Variants in SNRPN observed in about 807,000 individuals in gnomAD.
The protein encoded by SNRPN is small nuclear ribonucleoprotein-associated protein N.
A neutral mutation model predicts 25.2 loss-of-function variants in SNRPN; 7 were observed. That is an observed-to-expected ratio of 0.28 (90% CI 0.16 to 0.52). SNRPN has a LOEUF of 0.52. Ranked by LOEUF, SNRPN falls within the 20% of genes least tolerant of loss-of-function variation. SNRPN has a pLI of 0.96. For synonymous variants in SNRPN, 124 were observed against 110.6 expected, an observed-to-expected ratio of 1.12 and a Z score of -0.76; for missense variants, 196 against 322.5, an observed-to-expected ratio of 0.61 and a Z score of 3.00.
chr15:24,881,526 C>CGAGAGAGAGA (rs758798894), intron 1 of SNRPN, among the ~76,000 whole-genome samples: 20 of 72,532 alleles, frequency 2.8e-4, no homozygotes, highest in Non-Finnish European at 4.9e-4. Flanking sequence ...AGCGAAACTC[C>CGAGAGAGAGA]GAGAGAGAGA....
At chr15:24,851,365 T>G (rs141153540) in intron 2 of SNRPN, 26 of 152,262 alleles carry the variant, frequency 1.7e-4, no homozygotes, top group African/African-American at 5.5e-4. Context: ...GCATCAGACC[T>G]GAAATGGAAT....
Position 24,901,028 on chromosome 15 carries a change from T to C in SNRPN, c.-505+14439T>C, listed in dbSNP as rs138549458. Among the ~76,000 whole-genome samples the C allele has an allele frequency of 3.7e-4, 57 of 152,222 alleles. 1 individual carries two copies. Among genetic ancestry groups the C allele is most frequent in the African/African-American group, 1.3e-3 (53 of 41,540 alleles). The stretch of plus-strand genomic sequence containing the variant: ...AGAGGATCACTTGAGCCCTGGAGGT[T>C]GAGGGTGCAGTGAGCTGTGATCATG... On this transcript the variant is annotated intron_variant, in intron 2 of 11. Transcript: ENST00000400097.
upstream of SNRPN, among the ~76,000 whole-genome samples, chr15:24,856,228 C>T (rs997164932): frequency 2.6e-5 from 4 of 152,088 alleles, no homozygotes; most frequent in African/African-American, 7.2e-5. Context: ...TCTCAGTTGT[C>T]CCTTGAATAA....
intron 3 of SNRPN, among the ~76,000 whole-genome samples, chr15:24,945,135 G>A (rs1274733334): frequency 6.6e-6 from 1 of 152,044 alleles, no homozygotes; most frequent in Non-Finnish European, 1.5e-5. Context: ...GTTTAGCTTT[G>A]TGGGTCATAT....
chr15:24,860,286 ATTAACT>A (rs1288662990), intron 1 of SNRPN, among the ~76,000 whole-genome samples: 1 of 152,094 alleles, frequency 6.6e-6, no homozygotes, highest in Non-Finnish European at 1.5e-5. Flanking sequence ...ATCTGACACC[ATTAACT>A]TTAATTTTCT....
At chr15:24,972,280 C>T (rs2076512883) in intron 3 of SNRPN, among the ~76,000 whole-genome samples, 1 of 150,168 alleles carries the variant, frequency 6.7e-6, no homozygotes, top group Admixed American at 6.7e-5. Context: ...AAGGATATTG[C>T]TAATGAGTCT....
At chr15:24,933,421 GGA>G (rs1317582253) in intron 3 of SNRPN, among the ~76,000 whole-genome samples, 2 of 152,194 alleles carry the variant, frequency 1.3e-5, no homozygotes, top group East Asian at 3.9e-4. Flanking sequence ...GGAGCCTAGA[GGA>G]GAGAGGCTGG....
At position 24,974,316 on chromosome 15, in the gene SNRPN, A is replaced by G. The variant is rs2076817403; in HGVS notation, c.-138A>G. On this transcript the variant is annotated 5_prime_UTR_variant, in exon 4 of 10. Coordinates refer to ENST00000390687, the MANE Select transcript of SNRPN (RefSeq NM_003097.6). ...TAACATGCTTTCCTCTGCAGGCTCCATCTACTCTTTGAAGCTTCTGCCCAG... is the reference window on the plus strand; with the variant it reads ...TAACATGCTTTCCTCTGCAGGCTCCGTCTACTCTTTGAAGCTTCTGCCCAG... 2 of 782,634 alleles carry G rather than the reference A, an allele frequency of 2.6e-6. No individual in the cohort carries two copies. The highest frequency in any genetic ancestry group is 3.7e-5 in the Admixed American group (2 of 54,544). The allele number at this position is 782,634 out of a possible 1,614,324, so 48.5% of individuals were successfully genotyped here.
chr15:24,848,230 G>GCGGGGGCGGGGGCGGCGGC (rs1177167977), intron 2 of SNRPN: 1 of 126,738 alleles, frequency 7.9e-6, no homozygotes, highest in Non-Finnish European at 1.7e-5. Context: ...GGGGGCGGCG[G>GCGGGGGCGGGGGCGGCGGC]TGGGGGCGGG....
At chr15:24,932,273 T>G (rs916946195) in intron 3 of SNRPN, among the ~76,000 whole-genome samples, 10 of 152,196 alleles carry the variant, frequency 6.6e-5, no homozygotes, top group African/African-American at 2.2e-4. Context: ...TTGCTCTTGT[T>G]GCCCAGGCTG....
chr15:24,842,066 C>G (rs566336403), intron 2 of SNRPN, among the ~76,000 whole-genome samples: 1 of 152,318 alleles, frequency 6.6e-6, no homozygotes, highest in African/African-American at 2.4e-5. Flanking sequence ...CATCCAGGTA[C>G]ATGTCCAGCC....
rs146270454 is a variant in SNRPN at position 24,899,927 on chromosome 15, G to T, written c.-505+13338G>T. 6.4e-3 allele frequency among the ~76,000 whole-genome samples: 974 copies of T among 152,344 alleles called. 1 individual carries two copies. The highest frequency in any genetic ancestry group is 0.011 in the Non-Finnish European group (757 of 68,044). On this transcript the variant is annotated intron_variant, in intron 2 of 11. Coordinates refer to the SNRPN transcript ENST00000400097. ...CATTGTTCCAAGAGATATTTCCACA[G>T]AGATGAATCTGGGAGGTTGTGTTGG...
intron 2 of SNRPN, chr15:24,850,659 TCTTC>T (rs2052736703): frequency 1.3e-5 from 2 of 152,126 alleles, no homozygotes; most frequent in African/African-American, 2.4e-5. Flanking sequence ...AACAAGAACA[TCTTC>T]CTTCATCAAG....
intron 1 of SNRPN, among the ~76,000 whole-genome samples, chr15:24,827,995 A>G (rs1001893331): frequency 1.2e-4 from 19 of 152,144 alleles, no homozygotes; most frequent in Admixed American, 4.6e-4. Flanking sequence ...GTTGTTGACC[A>G]AAACGGCCCT....
rs543675351 is a variant in SNRPN at position 24,966,277 on chromosome 15, C to T, written c.-294-1655C>T. 8.2e-5 allele frequency among the ~76,000 whole-genome samples: 12 copies of T among 147,208 alleles called. No homozygotes were observed. In the South Asian group the frequency reaches 2.5e-3, roughly 31 times the overall value. On this transcript the variant is annotated intron_variant, in intron 2 of 9. Transcript: ENST00000390687. The stretch of plus-strand genomic sequence containing the variant: ...TAGTAGATCTCAAGAAAGTGCTATA[C>T]TTACTAGTTTTTTTTATAAAGGATA...
intron 2 of SNRPN, among the ~76,000 whole-genome samples, chr15:24,831,478 C>T (rs55853389): frequency 0.29 from 44,621 of 151,688 alleles, 6,746 homozygotes; most frequent in Middle Eastern, 0.37. Context: ...AGTTATTTTT[C>T]GTGGCAAGAA....
rs1047691828 is a variant in SNRPN, at chr15:24,832,093, T to C, written c.-579+2188T>C. 7.2e-5 allele frequency among the ~76,000 whole-genome samples: 11 copies of C among 152,024 alleles called. No homozygotes were observed. The East Asian group carries it at 1.9e-3, about 27-fold the overall frequency. ...CCTTCACAATTTTTCCCATAATTAC[T>C]ATATTGTACTAATTTACATTCCCAC... On this transcript the variant is annotated intron_variant, in intron 2 of 12. Coordinates refer to the SNRPN transcript ENST00000400100.
chr15:24,854,737 G>T (rs1184130037), upstream of SNRPN, among the ~76,000 whole-genome samples: 2 of 152,286 alleles, frequency 1.3e-5, no homozygotes, highest in African/African-American at 4.8e-5. Flanking sequence ...CAGGAGCTGT[G>T]GCTCACACCT....
intron 3 of SNRPN, among the ~76,000 whole-genome samples, chr15:24,972,255 CAAAA>C (rs5811371): frequency 9.2e-6 from 1 of 108,254 alleles, no homozygotes. Context: ...GACTCTGTCT[CAAAA>C]AAAAAAAAAA....
Sources: allele counts gnomAD v4.1 joint callset (sites outside exome capture counted in the v4.1 genomes callset), GRCh38; gene constraint gnomAD v4.1.1; transcripts MANE v1.5; gene names NCBI Gene and HGNC (gene_info 2026-07-23, HGNC 2026-07-21).